The following PPP1R1C variants were observed in gnomAD, a reference collection of about 807,000 sequenced individuals.
The protein encoded by PPP1R1C is protein phosphatase 1 regulatory subunit 1C.
Under a neutral mutation model 17.4 loss-of-function variants are expected in PPP1R1C, and 15 were observed. The ratio of observed to expected loss-of-function variants is 0.86; its 90% CI spans 0.58 to 1.33. The LOEUF (loss-of-function observed/expected upper bound fraction) is 1.33, where lower values mean the gene tolerates loss of function less well. PPP1R1C is among the 40% of genes most tolerant of loss of function. The probability of loss-of-function intolerance (pLI) is 0.00; values close to 1 mark genes in which losing one functional copy is unlikely to be tolerated. For missense variants in PPP1R1C, 143 were observed against 130.0 expected (o/e 1.10, Z -0.48); for synonymous variants, 35 against 43.1 (o/e 0.81, Z 0.73).
chr2:182,090,713 G>A (rs191592464), intron 4 of PPP1R1C, among the ~76,000 whole-genome samples: 32 of 152,192 alleles, frequency 2.1e-4, no homozygotes, highest in African/African-American at 6.7e-4. Flanking sequence ...GAATATTCCA[G>A]GTTTTGAACG....
chr2:182,027,733 G>A (rs541670196), intron 2 of PPP1R1C, among the ~76,000 whole-genome samples: 2 of 151,530 alleles, frequency 1.3e-5, no homozygotes, highest in East Asian at 1.9e-4. Context: ...CATAAAATGA[G>A]TTAGGGAGGA....
At chr2:182,113,704 A>G (rs1260431377) in intron 4 of PPP1R1C, among the ~76,000 whole-genome samples, 4 of 152,178 alleles carry the variant, frequency 2.6e-5, no homozygotes, top group African/African-American at 7.2e-5. Context: ...CCTTTCTAAA[A>G]ACAAAAATTC....
At chr2:182,043,101 A>G (rs1687234971) in intron 2 of PPP1R1C, among the ~76,000 whole-genome samples, 1 of 152,246 alleles carries the variant, frequency 6.6e-6, no homozygotes, top group African/African-American at 2.4e-5. Flanking sequence ...TAGAAAAGCA[A>G]AAGAGCACAC....
chr2:181,962,824 C>T lies in PPP1R1C; in HGVS notation n.111+8190C>T. ...AAGCGGAGCCTGAGCTAACCAGGGA[C>T]CTTCACATCCACATGAAGACAGGGG... On this transcript the variant is annotated intron_variant and non_coding_transcript_variant, in intron 1 of 5. Transcript: ENST00000464264. This position sits in a 1 kb window ranked among gnomAD's most constrained non-coding sequence, Gnocchi z 6.0. 6.6e-6 allele frequency among the ~76,000 whole-genome samples: 1 copy of T among 152,232 alleles called. No individual in the cohort carries two copies. Among genetic ancestry groups the T allele is most frequent in the South Asian group, 2.1e-4 (1 of 4,820 alleles).
intron 5 of PPP1R1C, among the ~76,000 whole-genome samples, chr2:182,128,095 A>G (rs1689918451): frequency 6.6e-6 from 1 of 152,104 alleles, no homozygotes. Context: ...TTCAATAAAT[A>G]TGTAGGAATA....
intron 4 of PPP1R1C, among the ~76,000 whole-genome samples, chr2:182,105,955 G>A (rs934066494): frequency 1.3e-5 from 2 of 152,176 alleles, no homozygotes; most frequent in Admixed American, 6.5e-5. Flanking sequence ...TGAGACAACG[G>A]TGTCCTCAGA....
At position 181,961,326 on chromosome 2, in the gene PPP1R1C, A is replaced by T; in HGVS notation, n.111+6692A>T. 2 of 728,854 alleles carry T rather than the reference A, an allele frequency of 2.7e-6. No individual in the cohort carries two copies. The highest frequency in any genetic ancestry group is 5.0e-6 in the Non-Finnish European group (2 of 401,008). The allele number at this position is 728,854 out of a possible 1,614,324, so 45.1% of individuals were successfully genotyped here. On this transcript the variant is annotated intron_variant and non_coding_transcript_variant, in intron 1 of 5. Transcript: ENST00000464264. The surrounding 1 kb of genome is among the most constrained non-coding windows in gnomAD (Gnocchi z 5.8). ...CATCACCAAGATTGAAGTCATCATC[A>T]TCAAGCAGGCGGTGGTAGGTGGCGC...
At chr2:181,960,349 C>T (rs1684748953) in intron 1 of PPP1R1C, among the ~76,000 whole-genome samples, 1 of 152,222 alleles carries the variant, frequency 6.6e-6, no homozygotes, top group Non-Finnish European at 1.5e-5. Context: ...GAGCACAAAC[C>T]ATATGGCTTC....
intron 4 of PPP1R1C, among the ~76,000 whole-genome samples, chr2:182,092,419 C>A (rs1688807860): frequency 6.6e-6 from 1 of 152,094 alleles, no homozygotes; most frequent in Non-Finnish European, 1.5e-5. Flanking sequence ...AGAACCAAAT[C>A]ATATCATTCA....
chr2:182,074,431 C>T (rs1688234975), intron 4 of PPP1R1C, among the ~76,000 whole-genome samples: 1 of 152,066 alleles, frequency 6.6e-6, no homozygotes, highest in Non-Finnish European at 1.5e-5. Flanking sequence ...ACTGTTAGCA[C>T]CAATCTTTCT....
intron 2 of PPP1R1C, among the ~76,000 whole-genome samples, chr2:182,031,588 C>G (rs1259727415): frequency 6.6e-6 from 1 of 152,150 alleles, no homozygotes; most frequent in Non-Finnish European, 1.5e-5. Flanking sequence ...AAATCAAAAG[C>G]CTTGCTGTAA....
intron 2 of PPP1R1C, among the ~76,000 whole-genome samples, chr2:182,051,450 C>T (rs1475775605): frequency 6.6e-6 from 1 of 152,068 alleles, no homozygotes; most frequent in East Asian, 1.9e-4. Context: ...TAAGGCTTAG[C>T]CATGGTTTTT....
intron 2 of PPP1R1C, among the ~76,000 whole-genome samples, chr2:181,994,598 A>T (rs1685563234): frequency 6.6e-6 from 1 of 152,292 alleles, no homozygotes. Context: ...TCCCTGAATA[A>T]TCTGACCCAT....
intron 4 of PPP1R1C, among the ~76,000 whole-genome samples, chr2:182,073,097 GC>G (rs35647242): frequency 0.24 from 36,787 of 152,192 alleles, 4,667 homozygotes; most frequent in African/African-American, 0.31. Flanking sequence ...TGGCCTCTAT[GC>G]TTTTGTTCTG....
Position 181,986,220 on chromosome 2 carries a change from C to T in PPP1R1C, c.81+29C>T, listed in dbSNP as rs368586067. The T allele has an allele frequency of 2.5e-5, 38 of 1,514,268 alleles. No homozygotes were observed. The African/African-American group carries it at 4.8e-4, about 19-fold the overall frequency. The allele number at this position is 1,514,268 out of a possible 1,614,324, so 93.8% of individuals were successfully genotyped here. A position where few individuals can be genotyped will look rare whatever the true frequency, so the allele number is the denominator to read the frequency against. On this transcript the variant is annotated intron_variant, in intron 1 of 4. Coordinates refer to ENST00000682840, the MANE Select transcript of PPP1R1C (RefSeq NM_001080545.3). ...TGTGAAATTGCATGGAGAACCATTC[C>T]TGTACATAAGGTAATATGAACATGC... is the stretch of plus-strand genomic sequence containing the variant.
intron 2 of PPP1R1C, among the ~76,000 whole-genome samples, chr2:182,058,742 A>G (rs571690703): frequency 1.3e-5 from 2 of 152,266 alleles, no homozygotes; most frequent in East Asian, 3.9e-4. Flanking sequence ...TGTATGCTCT[A>G]CAGTGCTTTC....
chr2:181,977,890 C>G (rs1407829033), intron 2 of PPP1R1C, among the ~76,000 whole-genome samples: 47 of 152,162 alleles, frequency 3.1e-4, no homozygotes. Flanking sequence ...GACTCAAAGT[C>G]TGGGCTCCAC....
At chr2:182,108,801 G>T (rs539087978) in intron 4 of PPP1R1C, among the ~76,000 whole-genome samples, 47 of 152,180 alleles carry the variant, frequency 3.1e-4, no homozygotes, top group African/African-American at 1.0e-3. Flanking sequence ...CCAAGGTTTT[G>T]CAGTTATTAA....
In PPP1R1C at chr2:182,117,144, C is replaced by A. The variant is rs374974642; in HGVS notation, c.242-63C>A. 18 of 1,135,884 alleles carry A rather than the reference C, an allele frequency of 1.6e-5. No homozygotes were observed. The African/African-American group carries it at 2.4e-4, about 15-fold the overall frequency. 70.4% of individuals were successfully genotyped at this position (1,135,884 alleles called of 1,614,324 possible). A position where few individuals can be genotyped will look rare whatever the true frequency, so the allele number is the denominator to read the frequency against. ...GCACTCTTTTCTTTATCTTTTGCAG[C>A]AAAGCGGTTAATATTCCAGAAATGA... On this transcript the variant is annotated intron_variant, in intron 4 of 4. Coordinates refer to ENST00000682840, the MANE Select transcript of PPP1R1C (RefSeq NM_001080545.3).
Sources: allele counts gnomAD v4.1 joint callset (sites outside exome capture counted in the v4.1 genomes callset), GRCh38; gene constraint gnomAD v4.1.1; non-coding constraint Gnocchi (gnomAD v3.1); transcripts MANE v1.5; gene names NCBI Gene and HGNC (gene_info 2026-07-23, HGNC 2026-07-21).